Variants in SORCS1 observed in about 807,000 individuals in gnomAD.
SORCS1 encodes sortilin related VPS10 domain containing receptor 1, also known as VPS10 domain-containing receptor SorCS1.
In SORCS1, 60 loss-of-function variants were observed where a neutral mutation model predicts 146.1. That is an observed-to-expected ratio of 0.41 (90% CI 0.33 to 0.51). SORCS1 has a LOEUF of 0.51. Ranked by LOEUF, SORCS1 falls within the 20% of genes least tolerant of loss-of-function variation. The pLI is 0.21. For synonymous variants in SORCS1, 637 were observed against 584.0 expected, an observed-to-expected ratio of 1.09 and a Z score of -1.31; for missense variants, 1,352 against 1,487.6, an observed-to-expected ratio of 0.91 and a Z score of 1.50.
chr10:107,057,709 T>C (rs1960782382), intron 1 of SORCS1, among the ~76,000 whole-genome samples: 1 of 152,260 alleles, frequency 6.6e-6, no homozygotes, highest in South Asian at 2.1e-4. Flanking sequence ...TTTTTGTTGC[T>C]GTTGATGGAA....
chr10:106,699,714 T>C (rs1564872816), intron 8 of SORCS1, among the ~76,000 whole-genome samples: 1 of 152,140 alleles, frequency 6.6e-6, no homozygotes, highest in Non-Finnish European at 1.5e-5. Flanking sequence ...CTGATATTTT[T>C]GCCAAGCACA....
At chr10:106,944,871 C>CTTTTTTTTTTTTTTTTTTTTTT (rs1564838013) in intron 2 of SORCS1, among the ~76,000 whole-genome samples, 4 of 61,024 alleles carry the variant, frequency 6.6e-5, no homozygotes, top group East Asian at 3.9e-4. Context: ...AAGAAAGAGC[C>CTTTTTTTTTTTTTTTTTTTTTT]TTCTTTTTTT....
At chr10:106,840,139 A>G (rs1948961105) in intron 2 of SORCS1, among the ~76,000 whole-genome samples, 2 of 152,230 alleles carry the variant, frequency 1.3e-5, no homozygotes, top group South Asian at 4.1e-4. Flanking sequence ...TTGTAAGGCT[A>G]CAGCTTCCAT....
intron 1 of SORCS1, among the ~76,000 whole-genome samples, chr10:107,105,950 A>G (rs1965275146): frequency 6.6e-6 from 1 of 152,176 alleles, no homozygotes; most frequent in South Asian, 2.1e-4. Context: ...GAAGCACCAC[A>G]TGAGAAGGGT....
At chr10:106,856,825 C>T (rs971148271) in intron 2 of SORCS1, among the ~76,000 whole-genome samples, 1 of 152,186 alleles carries the variant, frequency 6.6e-6, no homozygotes, top group African/African-American at 2.4e-5. Context: ...GAAGTTTCTG[C>T]TTGTTGAGTT....
At position 106,692,227 on chromosome 10, in the gene SORCS1, G is replaced by GTTTGT. The variant is rs577011889; in HGVS notation, c.1414-3894_1414-3890dup. On this transcript the variant is annotated intron_variant, in intron 9 of 25. Coordinates refer to ENST00000263054, the MANE Select transcript of SORCS1 (RefSeq NM_052918.5). ...CAGCTAATTTTGGGTTCTTTTGTTTGTTTGTTTTGTTTTGTTTTTGGTAGA... is the reference window on the plus strand; with the variant it reads ...CAGCTAATTTTGGGTTCTTTTGTTTGTTTGTTTTGTTTTGTTTTGTTTTTGGTAGA... 5.9e-4 allele frequency among the ~76,000 whole-genome samples: 90 copies of GTTTGT among 152,072 alleles called. 1 individual carries two copies. Among genetic ancestry groups the GTTTGT allele is most frequent in the Non-Finnish European group, 1.2e-3 (79 of 67,960 alleles).
rs574926452 is a variant in SORCS1 at position 107,073,567 on chromosome 10, G to A, written c.558+90402C>T. Among the ~76,000 whole-genome samples, 198 of 152,222 alleles carry A rather than the reference G, an allele frequency of 1.3e-3. 1 individual carries two copies. Among genetic ancestry groups the A allele is most frequent in the Middle Eastern group, 3.4e-3 (1 of 294 alleles). On this transcript the variant is annotated intron_variant, in intron 1 of 25. Transcript: ENST00000263054. The stretch of plus-strand genomic sequence containing the variant: ...CAAAATGTCTGATATGTATTAAATC[G>A]CTAAATGCTCACAACAATCTATAAG...
intron 24 of SORCS1, among the ~76,000 whole-genome samples, chr10:106,590,770 T>G (rs1845554127): frequency 6.6e-6 from 1 of 152,192 alleles, no homozygotes; most frequent in East Asian, 1.9e-4. Context: ...ATCTTGTGCC[T>G]CAGCCTCCCG....
chr10:106,951,163 T>C (rs1954654920), intron 2 of SORCS1, among the ~76,000 whole-genome samples: 1 of 152,136 alleles, frequency 6.6e-6, no homozygotes, highest in South Asian at 2.1e-4. Context: ...GAGGGATACA[T>C]GCAAGTGTAT....
chr10:106,913,123 G>C (rs911024985), intron 2 of SORCS1, among the ~76,000 whole-genome samples: 12 of 149,498 alleles, frequency 8.0e-5, no homozygotes, highest in African/African-American at 2.7e-4. Context: ...TCTTTTCTTT[G>C]ACCAGGTGTC....
rs1278722607 is a variant in SORCS1, at chr10:106,606,272, T to TACACACAC, written c.3165+893_3165+894insGTGTGTGT. The stretch of plus-strand genomic sequence containing the variant: ...AGAATCACACAAATACACACACAGA[T>TACACACAC]ATACACACACACACACACACACACA... On this transcript the variant is annotated intron_variant, in intron 23 of 25. Coordinates refer to ENST00000263054, the MANE Select transcript of SORCS1 (RefSeq NM_052918.5). Among the ~76,000 whole-genome samples the TACACACAC allele has an allele frequency of 4.2e-4, 45 of 107,840 alleles. 2 individuals are homozygous for TACACACAC. The South Asian group carries it at 4.2e-3, about 10-fold the overall frequency. 70.7% of individuals were successfully genotyped at this position (107,840 alleles called of 152,430 possible).
At chr10:107,090,942 ACG>A (rs1491271945) in intron 1 of SORCS1, among the ~76,000 whole-genome samples, 50 of 148,920 alleles carry the variant, frequency 3.4e-4, no homozygotes, top group African/African-American at 7.7e-4. Flanking sequence ...ACACACACAC[ACG>A]TACACACACA....
At chr10:106,598,999 A>G (rs1333734258) in intron 23 of SORCS1, among the ~76,000 whole-genome samples, 2 of 152,220 alleles carry the variant, frequency 1.3e-5, no homozygotes, top group Non-Finnish European at 2.9e-5. Flanking sequence ...TCATAAAACT[A>G]TGCTGAAAAC....
At position 106,977,137 on chromosome 10, in the gene SORCS1, G is replaced by A. The variant is rs769805484; in HGVS notation, c.559-20557C>T. 4.6e-5 allele frequency among the ~76,000 whole-genome samples: 7 copies of A among 152,222 alleles called. No homozygotes were observed. In the South Asian group the frequency reaches 8.3e-4, roughly 18 times the overall value. ...ACACTGTTTTCCACAATGGGTGAGC[G>A]AATTTACACTCCCACCAACAGTATA... On this transcript the variant is annotated intron_variant, in intron 1 of 25. Transcript: ENST00000263054.
intron 3 of SORCS1, among the ~76,000 whole-genome samples, chr10:106,817,781 T>G (rs1335579658): frequency 6.6e-6 from 1 of 152,214 alleles, no homozygotes; most frequent in Non-Finnish European, 1.5e-5. Context: ...CCCTGTGTTA[T>G]GCATGTTTGT....
chr10:106,788,068 C>T (rs191480328), intron 3 of SORCS1, among the ~76,000 whole-genome samples: 5 of 152,202 alleles, frequency 3.3e-5, no homozygotes, highest in African/African-American at 1.2e-4. Flanking sequence ...TCCTATAGCA[C>T]CATCATAAAT....
chr10:106,868,528 G>A (rs1245501580), intron 2 of SORCS1, among the ~76,000 whole-genome samples: 1 of 151,782 alleles, frequency 6.6e-6, no homozygotes, highest in African/African-American at 2.4e-5. Context: ...AAATGTAGAA[G>A]ACTAAAAAAA....
chr10:106,678,814 T>A (rs1852225652), intron 12 of SORCS1, among the ~76,000 whole-genome samples: 1 of 152,188 alleles, frequency 6.6e-6, no homozygotes, highest in Admixed American at 6.6e-5. Flanking sequence ...GAACACCACC[T>A]GGGTAATGGC....
chr10:106,743,204 G>A (rs1857480250), intron 5 of SORCS1, among the ~76,000 whole-genome samples: 1 of 151,958 alleles, frequency 6.6e-6, no homozygotes, highest in South Asian at 2.1e-4. Context: ...AGAGAACATG[G>A]GAAAGAGAGG....
Sources: allele counts gnomAD v4.1 joint callset (sites outside exome capture counted in the v4.1 genomes callset), GRCh38; gene constraint gnomAD v4.1.1; transcripts MANE v1.5; gene names NCBI Gene and HGNC (gene_info 2026-07-23, HGNC 2026-07-21).